RIT2: variants seen among roughly 807,000 people sequenced by gnomAD.
The protein encoded by RIT2 is GTP-binding protein Rit2.
In RIT2, 24 loss-of-function variants were observed where a neutral mutation model predicts 23.7. The observed-to-expected ratio is 1.01, with a 90% CI of 0.73 to 1.43. RIT2 has a LOEUF of 1.43. Among genes scored for constraint, RIT2 ranks in the 40% most tolerant of loss-of-function variants. The pLI is 0.00. For synonymous variants in RIT2, 107 were observed against 91.1 expected, an observed-to-expected ratio of 1.17 and a Z score of -0.99; for missense variants, 236 against 266.9, an observed-to-expected ratio of 0.88 and a Z score of 0.81.
chr18:42,794,448 TAGTG>T (rs995777323), intron 4 of RIT2, among the ~76,000 whole-genome samples: 1 of 152,226 alleles, frequency 6.6e-6, no homozygotes, highest in Non-Finnish European at 1.5e-5. Flanking sequence ...TTTGACTAAT[TAGTG>T]AATCAGTTTT....
chr18:43,062,440 A>G (rs7240414), intron 1 of RIT2, among the ~76,000 whole-genome samples: 134,489 of 152,110 alleles, frequency 0.88, 60,123 homozygotes, highest in Non-Finnish European at 0.97. Context: ...TATTCTTAGT[A>G]GCTGAAAAGA....
At chr18:42,903,254 AAAGAT>A (rs1384633374) in intron 4 of RIT2, among the ~76,000 whole-genome samples, 3 of 152,154 alleles carry the variant, frequency 2.0e-5, no homozygotes, top group Non-Finnish European at 4.4e-5. Context: ...ACATTTATTG[AAAGAT>A]AAGAGAAAAC....
intron 4 of RIT2, among the ~76,000 whole-genome samples, chr18:42,877,493 C>T (rs561534626): frequency 2.3e-4 from 33 of 145,118 alleles, no homozygotes; most frequent in African/African-American, 8.3e-4. Flanking sequence ...AAAAAAAATG[C>T]TTATCTCTGT....
At chr18:42,853,912 C>T (rs991568638) in intron 4 of RIT2, among the ~76,000 whole-genome samples, 45 of 152,174 alleles carry the variant, frequency 3.0e-4, no homozygotes, top group African/African-American at 1.0e-3. Context: ...TTATTGTATT[C>T]AAATAAAACT....
chr18:42,900,063 C>T (rs1410572352), intron 4 of RIT2, among the ~76,000 whole-genome samples: 2 of 151,332 alleles, frequency 1.3e-5, no homozygotes, highest in East Asian at 3.9e-4. Flanking sequence ...AATTATTAAC[C>T]TCCAGTAATA....
chr18:42,796,612 A>AT (rs1358804058), intron 4 of RIT2, among the ~76,000 whole-genome samples: 1 of 152,036 alleles, frequency 6.6e-6, no homozygotes, highest in Non-Finnish European at 1.5e-5. Flanking sequence ...TCTGTTAGTG[A>AT]TTTTCCATCC....
intron 2 of RIT2, among the ~76,000 whole-genome samples, 194 bp from the exon 3 acceptor site, chr18:42,974,341 A>G (rs1399119867): frequency 1.3e-5 from 2 of 152,010 alleles, no homozygotes; most frequent in Admixed American, 1.3e-4. Context: ...TGGTGAAACC[A>G]AGTAGATTTC....
At chr18:42,802,001 A>G (rs953438936) in intron 4 of RIT2, among the ~76,000 whole-genome samples, 1 of 152,182 alleles carries the variant, frequency 6.6e-6, no homozygotes, top group Admixed American at 6.5e-5. Flanking sequence ...TAACAGCCCT[A>G]TTTATTTATT....
intron 4 of RIT2, among the ~76,000 whole-genome samples, chr18:42,887,548 G>A (rs1908055143): frequency 6.6e-6 from 1 of 152,160 alleles, no homozygotes; most frequent in Non-Finnish European, 1.5e-5. Context: ...TTCATTACTG[G>A]TGGAAGAGGG....
intron 3 of RIT2, among the ~76,000 whole-genome samples, chr18:42,945,030 T>C (rs192703535): frequency 6.6e-6 from 1 of 152,048 alleles, no homozygotes; most frequent in Non-Finnish European, 1.5e-5. Flanking sequence ...CTAAGAAAAC[T>C]CAAACATTAG....
At chr18:42,940,824 C>T (rs1033432254) in intron 3 of RIT2, among the ~76,000 whole-genome samples, 2 of 152,122 alleles carry the variant, frequency 1.3e-5, no homozygotes, top group Admixed American at 1.3e-4. Context: ...CCACTTAACT[C>T]TTAATTCTGA....
chr18:42,961,549 T>C (rs1910093760), intron 3 of RIT2, among the ~76,000 whole-genome samples: 1 of 152,176 alleles, frequency 6.6e-6, no homozygotes, highest in African/African-American at 2.4e-5. Context: ...AACTAGAGTG[T>C]AAAATCAAGG....
intron 4 of RIT2, among the ~76,000 whole-genome samples, chr18:42,821,439 A>G (rs1329739545): frequency 1.3e-5 from 2 of 152,144 alleles, no homozygotes; most frequent in Non-Finnish European, 2.9e-5. Flanking sequence ...ATAAGGCCGT[A>G]ACTGTTACTT....
chr18:42,743,320 G>C lies in RIT2; in HGVS notation c.*173C>G, dbSNP rs1049909605. On this transcript the variant is annotated 3_prime_UTR_variant, in exon 5 of 5. Coordinates refer to ENST00000326695, the MANE Select transcript of RIT2 (RefSeq NM_002930.4). ...TGACAAAATCCATCCAACTGTTAAA[G>C]GCAAAACAAAACTATCTCAAGAGGT... 36 of 607,468 alleles carry C rather than the reference G, an allele frequency of 5.9e-5. No homozygotes were observed. The highest frequency in any genetic ancestry group is 9.6e-5 in the Non-Finnish European group (33 of 345,296). 37.6% of individuals were successfully genotyped at this position (607,468 alleles called of 1,614,324 possible).
intron 4 of RIT2, among the ~76,000 whole-genome samples, chr18:42,922,273 T>A (rs992980143): frequency 3.9e-5 from 6 of 152,150 alleles, no homozygotes; most frequent in Non-Finnish European, 4.4e-5. Context: ...GCATGAAAAT[T>A]CATATTTATA....
At chr18:42,859,152 ACCATTTT>A (rs777317993) in intron 4 of RIT2, among the ~76,000 whole-genome samples, 12 of 152,308 alleles carry the variant, frequency 7.9e-5, no homozygotes, top group Non-Finnish European at 1.5e-4. Flanking sequence ...CAGAGGGCAC[ACCATTTT>A]AAAATCTCAC....
chr18:42,979,736 A>G (rs1010963316), intron 2 of RIT2, among the ~76,000 whole-genome samples: 1 of 152,174 alleles, frequency 6.6e-6, no homozygotes, highest in Non-Finnish European at 1.5e-5. Flanking sequence ...AAAGGGTTCA[A>G]TATGTATTTG....
intron 2 of RIT2, among the ~76,000 whole-genome samples, chr18:43,016,055 A>C (rs1407587899): frequency 6.6e-6 from 1 of 151,864 alleles, no homozygotes; most frequent in Non-Finnish European, 1.5e-5. Context: ...GGACATTAGG[A>C]AAATAAATAC....
intron 2 of RIT2, among the ~76,000 whole-genome samples, chr18:42,983,094 C>T (rs946641816): frequency 9.2e-5 from 14 of 151,890 alleles, no homozygotes; most frequent in African/African-American, 3.4e-4. Flanking sequence ...ATCAGTTTAC[C>T]TGATTTCAAC....
Sources: allele counts gnomAD v4.1 joint callset (sites outside exome capture counted in the v4.1 genomes callset), GRCh38; gene constraint gnomAD v4.1.1; transcripts MANE v1.5; gene names NCBI Gene and HGNC (gene_info 2026-07-23, HGNC 2026-07-21).